The following GRID1 variants were observed in gnomAD, a reference collection of about 807,000 sequenced individuals.
GRID1 encodes the protein glutamate ionotropic receptor delta type subunit 1.
GRID1 carries 28 observed loss-of-function variants against 98.0 expected under a neutral mutation model. That is an observed-to-expected ratio of 0.29 (90% CI 0.21 to 0.39). The LOEUF is 0.39. Among genes scored for constraint, GRID1 ranks in the 10% least tolerant of loss-of-function variants. The pLI is 1.00. For missense variants in GRID1, 1,111 were observed against 1,340.5 expected (o/e 0.83, Z 2.67); for synonymous variants, 553 against 538.5 (o/e 1.03, Z -0.37).
chr10:86,227,893 A>G (rs1229292117), intron 2 of GRID1, among the ~76,000 whole-genome samples: 2 of 152,194 alleles, frequency 1.3e-5, no homozygotes, highest in African/African-American at 2.4e-5. Context: ...CACATGGTAG[A>G]TACATAGTAA....
intron 4 of GRID1, among the ~76,000 whole-genome samples, chr10:85,969,926 C>T (rs1842385394): frequency 6.7e-6 from 1 of 149,256 alleles, no homozygotes; most frequent in Non-Finnish European, 1.5e-5. Context: ...TCAAGACTGA[C>T]AAAATTGATA....
At chr10:86,298,192 A>G (rs1847622572) in intron 2 of GRID1, among the ~76,000 whole-genome samples, 1 of 152,250 alleles carries the variant, frequency 6.6e-6, no homozygotes, top group Admixed American at 6.5e-5. Flanking sequence ...CATCAATTTA[A>G]TGGCCAATTT....
chr10:85,976,668 G>A (rs575930961), intron 4 of GRID1, among the ~76,000 whole-genome samples: 56 of 152,358 alleles, frequency 3.7e-4, no homozygotes, highest in African/African-American at 1.2e-3. Context: ...TGCAGGAGAC[G>A]TAGCCCTCGT....
At chr10:85,769,453 G>C (rs1024265660) in intron 8 of GRID1, among the ~76,000 whole-genome samples, 1 of 152,216 alleles carries the variant, frequency 6.6e-6, no homozygotes, top group African/African-American at 2.4e-5. Context: ...CATCTCACTA[G>C]GGAGTGCCAG....
intron 4 of GRID1, among the ~76,000 whole-genome samples, chr10:85,958,445 A>G (rs995035249): frequency 3.9e-5 from 6 of 152,024 alleles, no homozygotes; most frequent in African/African-American, 1.2e-4. Context: ...ATTTGGCTGA[A>G]TATTAATCTG....
chr10:86,149,912 T>C (rs1427000408), intron 3 of GRID1, among the ~76,000 whole-genome samples: 2 of 152,242 alleles, frequency 1.3e-5, no homozygotes, highest in Non-Finnish European at 2.9e-5. Flanking sequence ...CCCACTGCAA[T>C]AAATAGTCCC....
At chr10:85,798,170 C>A (rs1440141535) in intron 8 of GRID1, among the ~76,000 whole-genome samples, 1 of 152,110 alleles carries the variant, frequency 6.6e-6, no homozygotes, top group African/African-American at 2.4e-5. Flanking sequence ...ATTTTAAGTT[C>A]TTAACAATCA....
chr10:85,952,147 G>GT (rs1446002709), intron 4 of GRID1, among the ~76,000 whole-genome samples: 31 of 152,312 alleles, frequency 2.0e-4, no homozygotes, highest in African/African-American at 7.2e-4. Flanking sequence ...ACATGGGAAT[G>GT]GCATCCTCTA....
chr10:86,321,805 C>G (rs1002712736), intron 2 of GRID1, among the ~76,000 whole-genome samples: 6 of 152,176 alleles, frequency 3.9e-5, no homozygotes, highest in African/African-American at 1.4e-4. Context: ...TACCCAAAGA[C>G]TGGGATCTGC....
At chr10:85,821,295 A>C (rs980945040) in intron 8 of GRID1, among the ~76,000 whole-genome samples, 1 of 151,970 alleles carries the variant, frequency 6.6e-6, no homozygotes, top group African/African-American at 2.4e-5. Context: ...AAATGGGCAG[A>C]TCATTTGAGG....
At chr10:85,952,335 T>C (rs1358898914) in intron 4 of GRID1, among the ~76,000 whole-genome samples, 1 of 152,190 alleles carries the variant, frequency 6.6e-6, no homozygotes, top group African/African-American at 2.4e-5. Flanking sequence ...CAACCAAAAA[T>C]AGCCTGGTTT....
At chr10:86,109,458 A>C (rs547000817) in intron 4 of GRID1, among the ~76,000 whole-genome samples, 3 of 152,286 alleles carry the variant, frequency 2.0e-5, no homozygotes, top group South Asian at 2.1e-4. Context: ...GGCCTGCCTC[A>C]ACATCTCAGT....
At chr10:86,143,473 T>G (rs972528943) in intron 3 of GRID1, among the ~76,000 whole-genome samples, 19 of 151,810 alleles carry the variant, frequency 1.3e-4, no homozygotes, top group African/African-American at 4.6e-4. Context: ...GAGCTGGGAC[T>G]TCCCCCACTG....
Position 85,916,121 on chromosome 10 carries a change from C to G in GRID1, c.780+65G>C. The G allele has an allele frequency of 8.2e-7, 1 of 1,219,578 alleles. No individual in the cohort carries two copies. Among genetic ancestry groups the G allele is most frequent in the South Asian group, 1.2e-5 (1 of 81,266 alleles). The allele number at this position is 1,219,578 out of a possible 1,614,324, so 75.5% of individuals were successfully genotyped here. A position where few individuals can be genotyped will look rare whatever the true frequency, so the allele number is the denominator to read the frequency against. On this transcript the variant is annotated intron_variant, in intron 5 of 15. Coordinates refer to ENST00000327946, the MANE Select transcript of GRID1 (RefSeq NM_017551.3). This position sits in a 1 kb window ranked among gnomAD's most constrained non-coding sequence, Gnocchi z 4.0. ...CAGAATTGAACTGAAAAGAATCACA[C>G]TGAGCTTTACAAGGGGCTAGGGGCT...
chr10:86,222,898 C>A (rs780691698), intron 2 of GRID1, among the ~76,000 whole-genome samples: 1 of 152,132 alleles, frequency 6.6e-6, no homozygotes, highest in Non-Finnish European at 1.5e-5. Flanking sequence ...CAGGTGCACA[C>A]CCAAAACAGC....
chr10:86,179,756 G>T (rs1192612149), intron 3 of GRID1, among the ~76,000 whole-genome samples: 1 of 152,150 alleles, frequency 6.6e-6, no homozygotes, highest in African/African-American at 2.4e-5. Context: ...ATAAACGTCG[G>T]CTAGGATTTC....
At chr10:86,205,383 G>A (rs1193181670) in intron 3 of GRID1, among the ~76,000 whole-genome samples, 1 of 152,152 alleles carries the variant, frequency 6.6e-6, no homozygotes, top group Non-Finnish European at 1.5e-5. Context: ...GGTAGCACAG[G>A]GATCCTTGTG....
At chr10:85,882,076 C>T (rs141888397) in intron 5 of GRID1, among the ~76,000 whole-genome samples, 4,744 of 152,224 alleles carry the variant, frequency 0.031, 207 homozygotes, top group East Asian at 0.2. Flanking sequence ...CAATGAGATA[C>T]CATCTCACAC....
At chr10:85,715,913 T>G (rs1420024923) in intron 12 of GRID1, among the ~76,000 whole-genome samples, 1 of 152,094 alleles carries the variant, frequency 6.6e-6, no homozygotes, top group Admixed American at 6.5e-5. Context: ...AACCTTTTTT[T>G]TTTTTTCTTT....
Sources: gnomAD v4.1 joint callset for allele counts (sites outside exome capture counted in the v4.1 genomes callset) on GRCh38, gnomAD v4.1.1 for gene constraint, Gnocchi (gnomAD v3.1) non-coding constraint, MANE v1.5 for transcripts, NCBI Gene and HGNC (gene_info 2026-07-23, HGNC 2026-07-21) for gene names.